Variants in KAZN observed in about 807,000 individuals in gnomAD.
KAZN encodes kazrin, periplakin interacting protein.
KAZN carries 40 observed loss-of-function variants against 87.4 expected under a neutral mutation model. The observed-to-expected ratio is 0.46, with a 90% CI of 0.36 to 0.60. The LOEUF (loss-of-function observed/expected upper bound fraction) is 0.60. Ranked by LOEUF, KAZN falls within the 20% of genes least tolerant of loss-of-function variation. KAZN has a pLI of 0.00. For synonymous variants in KAZN, 466 were observed against 458.3 expected (o/e 1.02, Z -0.22); for missense variants, 898 against 1,073.9 (o/e 0.84, Z 2.29).
intron 2 of KAZN, among the ~76,000 whole-genome samples, chr1:14,316,125 A>T (rs957802012): frequency 2.6e-5 from 4 of 151,968 alleles, no homozygotes; most frequent in African/African-American, 9.7e-5. Flanking sequence ...TGTGGTTTTC[A>T]TTTGAAATTT....
At chr1:14,216,540 G>A (rs598325) in intron 2 of KAZN, among the ~76,000 whole-genome samples, 144,753 of 152,288 alleles carry the variant, frequency 0.95, 68,868 homozygotes, top group East Asian at 1. Context: ...GCATGAAAAC[G>A]AAAGGAGAAG....
At chr1:14,890,840 CTTTTTTTTT>C (rs34718502) in intron 1 of KAZN, among the ~76,000 whole-genome samples, 11 of 69,676 alleles carry the variant, frequency 1.6e-4, no homozygotes, top group Non-Finnish European at 2.3e-4. Context: ...GGAATCTGGA[CTTTTTTTTT>C]TTTTTTTTTT....
intron 1 of KAZN, among the ~76,000 whole-genome samples, chr1:14,103,045 C>T (rs1170073654): frequency 6.6e-6 from 1 of 151,856 alleles, no homozygotes; most frequent in Non-Finnish European, 1.5e-5. Flanking sequence ...GCCTCCCAAG[C>T]AGATGAGGTT....
At chr1:14,384,950 C>T (rs1285113368) in intron 2 of KAZN, among the ~76,000 whole-genome samples, 1 of 151,206 alleles carries the variant, frequency 6.6e-6, no homozygotes, top group African/African-American at 2.4e-5. Flanking sequence ...TGGTCCTGGA[C>T]TCTTTTTGGT....
chr1:14,987,783 ATTTCAT>A (rs1222756633), intron 2 of KAZN, among the ~76,000 whole-genome samples: 1 of 152,148 alleles, frequency 6.6e-6, no homozygotes, highest in African/African-American at 2.4e-5. Flanking sequence ...ACTTGATCGG[ATTTCAT>A]TTTGAAGCAG....
chr1:14,466,890 AC>A (rs1281738681), intron 2 of KAZN, among the ~76,000 whole-genome samples: 3 of 152,022 alleles, frequency 2.0e-5, no homozygotes, highest in Admixed American at 1.3e-4. Context: ...AATGGCGTGA[AC>A]CCAGGAGGTG....
intron 2 of KAZN, among the ~76,000 whole-genome samples, chr1:14,402,088 TAAAAA>T (rs36103725): frequency 6.7e-6 from 1 of 150,338 alleles, no homozygotes; most frequent in African/African-American, 2.4e-5. Flanking sequence ...TGAGTCTATG[TAAAAA>T]AAAAAAAGAG....
At chr1:13,982,542 C>G (rs1471934477) in intron 1 of KAZN, among the ~76,000 whole-genome samples, 2 of 152,184 alleles carry the variant, frequency 1.3e-5, no homozygotes, top group Admixed American at 6.5e-5. Context: ...GGAAAGCGAC[C>G]CGAGGTGGTT....
intron 2 of KAZN, among the ~76,000 whole-genome samples, chr1:14,315,395 A>G (rs1655585877): frequency 1.3e-5 from 2 of 152,300 alleles, no homozygotes; most frequent in Middle Eastern, 3.4e-3. Context: ...TAATAATTAC[A>G]TATAATACAT....
chr1:14,173,697 TTCTC>T lies in KAZN; in HGVS notation c.92-6737_92-6734del, dbSNP rs551455270. On this transcript the variant is annotated intron_variant, in intron 1 of 16. Coordinates refer to the KAZN transcript ENST00000636203. The stretch of plus-strand genomic sequence containing the variant: ...CGCCCAACTTGAGGAGCCTATCTCT[TTCTC>T]AATAGTTCCATCAAATTGTCCTGAG... Among the ~76,000 whole-genome samples, 5 of 148,014 alleles carry T rather than the reference TTCTC, an allele frequency of 3.4e-5. No homozygotes were observed. The South Asian group carries it at 1.2e-3, about 35-fold the overall frequency.
At chr1:15,100,418 A>G (rs1476435031) in intron 10 of KAZN, among the ~76,000 whole-genome samples, 1 of 152,144 alleles carries the variant, frequency 6.6e-6, no homozygotes, top group Non-Finnish European at 1.5e-5. Flanking sequence ...TCCCTTTCAC[A>G]TACTGATGGC....
intron 1 of KAZN, among the ~76,000 whole-genome samples, chr1:14,688,027 A>G (rs1156325893): frequency 6.6e-6 from 1 of 152,096 alleles, no homozygotes; most frequent in African/African-American, 2.4e-5. Flanking sequence ...CCCAGCATGC[A>G]CTTCTGATAT....
intron 1 of KAZN, among the ~76,000 whole-genome samples, chr1:14,110,256 T>A (rs1644472155): frequency 6.6e-6 from 1 of 152,120 alleles, no homozygotes; most frequent in East Asian, 1.9e-4. Context: ...CATGAGGGCA[T>A]GGGTTCCAAG....
At chr1:14,780,981 G>A (rs1034871336) in intron 1 of KAZN, among the ~76,000 whole-genome samples, 2 of 152,206 alleles carry the variant, frequency 1.3e-5, no homozygotes, top group Admixed American at 6.5e-5. Flanking sequence ...AGAGGGTGCC[G>A]AGTGGAGTGG....
intron 2 of KAZN, among the ~76,000 whole-genome samples, chr1:14,285,870 G>A (rs1284055177): frequency 6.6e-6 from 1 of 152,206 alleles, no homozygotes; most frequent in Non-Finnish European, 1.5e-5. Context: ...CTGACTTGGA[G>A]TCAGCAACGA....
chr1:13,990,578 A>T (rs1306713275), intron 1 of KAZN, among the ~76,000 whole-genome samples: 1 of 152,206 alleles, frequency 6.6e-6, no homozygotes, highest in African/African-American at 2.4e-5. Flanking sequence ...CATTGACAGT[A>T]GTCTCTATAT....
At chr1:14,386,059 A>C in intron 2 of KAZN, among the ~76,000 whole-genome samples, 1 of 151,712 alleles carries the variant, frequency 6.6e-6, no homozygotes, top group Non-Finnish European at 1.5e-5. Flanking sequence ...TCCCTTTACC[A>C]TGATGTAATG....
chr1:13,979,370 A>G (rs572402958), intron 1 of KAZN, among the ~76,000 whole-genome samples: 1 of 152,354 alleles, frequency 6.6e-6, no homozygotes, highest in South Asian at 2.1e-4. Context: ...AAACCAGGTG[A>G]CAATAGAATG....
At chr1:13,982,084 A>G (rs1470221569) in intron 1 of KAZN, among the ~76,000 whole-genome samples, 1 of 152,116 alleles carries the variant, frequency 6.6e-6, no homozygotes, top group African/African-American at 2.4e-5. Context: ...ATTTATTTCC[A>G]TTGTTATTGG....
Sources: allele counts gnomAD v4.1 joint callset (sites outside exome capture counted in the v4.1 genomes callset), GRCh38; gene constraint gnomAD v4.1.1; transcripts MANE v1.5; gene names NCBI Gene and HGNC (gene_info 2026-07-23, HGNC 2026-07-21).